ZMIZ1: variants seen among roughly 807,000 people sequenced by gnomAD.
ZMIZ1 encodes zinc finger MIZ-type containing 1.
A neutral mutation model predicts 113.9 loss-of-function variants in ZMIZ1; 17 were observed. The observed-to-expected ratio is 0.15, with a 90% CI of 0.10 to 0.22. The LOEUF (loss-of-function observed/expected upper bound fraction) is 0.22. ZMIZ1 is among the 10% of genes least tolerant of loss of function. The pLI is 1.00. For missense variants in ZMIZ1, 1,059 were observed against 1,477.8 expected, an observed-to-expected ratio of 0.72 and a Z score of 4.65; for synonymous variants, 607 against 603.1, an observed-to-expected ratio of 1.01 and a Z score of -0.09.
intron 7 of ZMIZ1, among the ~76,000 whole-genome samples, chr10:79,256,568 C>G (rs1318606112): frequency 6.6e-6 from 1 of 152,256 alleles, no homozygotes; most frequent in Admixed American, 6.5e-5. Context: ...GCAGCACATG[C>G]TGAGGGGATC....
At position 79,297,621 on chromosome 10, in the gene ZMIZ1, G is replaced by A; in HGVS notation, c.1422G>A (p.Gln474=). The change falls in exon 14 of 25, where the codon CAG becomes CAA. Residue 474 remains glutamine (Q), a synonymous_variant. Coordinates refer to ENST00000334512, the MANE Select transcript of ZMIZ1 (RefSeq NM_020338.4). ...VNMGQYYKPE[Q]FNGQNNTFSG... ...TTATCTTGTTTTAATAGCCAGAACAGTTTAATGGACAAAATAACACGTTCT... is the reference window on the plus strand; with the variant it reads ...TTATCTTGTTTTAATAGCCAGAACAATTTAATGGACAAAATAACACGTTCT... The A allele has an allele frequency of 1.2e-6, 2 of 1,614,080 alleles. No homozygotes were observed. The highest frequency in any genetic ancestry group is 2.2e-5 in the South Asian group (2 of 91,074).
At chr10:79,290,492 C>A (rs574117223) in intron 9 of ZMIZ1, among the ~76,000 whole-genome samples, 1 of 152,302 alleles carries the variant, frequency 6.6e-6, no homozygotes, top group African/African-American at 2.4e-5. Context: ...CTCCTGCTGC[C>A]CTCCAGAGCT....
intron 7 of ZMIZ1, among the ~76,000 whole-genome samples, chr10:79,239,263 T>C (rs1180050165): frequency 6.6e-6 from 1 of 152,198 alleles, no homozygotes; most frequent in African/African-American, 2.4e-5. Flanking sequence ...GAGCTGGCTG[T>C]GTGATAGCTG....
chr10:79,283,540 A>G (rs1462651861), intron 8 of ZMIZ1, among the ~76,000 whole-genome samples: 1 of 152,232 alleles, frequency 6.6e-6, no homozygotes, highest in African/African-American at 2.4e-5. Context: ...AAAACCAGCC[A>G]CATCACACCA....
chr10:79,071,196 TG>T (rs1842272131), intron 1 of ZMIZ1, among the ~76,000 whole-genome samples: 2 of 152,216 alleles, frequency 1.3e-5, no homozygotes, highest in Admixed American at 1.3e-4. Flanking sequence ...AGCTGCCTCC[TG>T]GTGCCAAGGG....
intron 5 of ZMIZ1, among the ~76,000 whole-genome samples, chr10:79,204,241 G>T (rs1160176852): frequency 6.6e-6 from 1 of 152,178 alleles, no homozygotes; most frequent in African/African-American, 2.4e-5. Context: ...CTTGGTTGTA[G>T]CCTTTGCTGG....
rs145521008 is a variant in ZMIZ1 at position 79,140,484 on chromosome 10, G to A, written c.-131+707G>A. Among the ~76,000 whole-genome samples the A allele has an allele frequency of 3.8e-3, 575 of 152,320 alleles. 3 individuals carry two copies. The highest frequency in any genetic ancestry group is 5.6e-3 in the Non-Finnish European group (382 of 68,036). On this transcript the variant is annotated intron_variant, in intron 3 of 24. Coordinates refer to ENST00000334512, the MANE Select transcript of ZMIZ1 (RefSeq NM_020338.4). Reference sequence around the variant, plus strand: ...CCGTACTGCACTCATCCTCTCAAGAGAAGTTCTGCTTTTGAGGCCAAGCAA... The same window carrying A: ...CCGTACTGCACTCATCCTCTCAAGAAAAGTTCTGCTTTTGAGGCCAAGCAA...
chr10:79,185,400 A>G (rs1189213584), intron 4 of ZMIZ1, among the ~76,000 whole-genome samples: 1 of 152,208 alleles, frequency 6.6e-6, no homozygotes, highest in Non-Finnish European at 1.5e-5. Context: ...ACTGTAGCAC[A>G]AGGACATGTT....
intron 3 of ZMIZ1, among the ~76,000 whole-genome samples, chr10:79,141,574 A>G (rs1845272643): frequency 6.6e-6 from 1 of 152,106 alleles, no homozygotes; most frequent in Non-Finnish European, 1.5e-5. Flanking sequence ...TGCCTGGCTA[A>G]TTAGTGTACT....
chr10:79,132,992 G>C (rs778712761), intron 2 of ZMIZ1, among the ~76,000 whole-genome samples: 4 of 152,182 alleles, frequency 2.6e-5, no homozygotes, highest in Non-Finnish European at 5.9e-5. Context: ...AGGCTCTGGG[G>C]TGGGGGAGGG....
At chr10:79,096,990 C>T (rs920559731) in intron 1 of ZMIZ1, among the ~76,000 whole-genome samples, 8 of 152,162 alleles carry the variant, frequency 5.3e-5, no homozygotes, top group Admixed American at 3.9e-4. Context: ...GAGGAAACAG[C>T]GTGTGCAAAG....
intron 4 of ZMIZ1, among the ~76,000 whole-genome samples, chr10:79,183,358 G>A (rs200255348): frequency 2.7e-5 from 4 of 150,804 alleles, no homozygotes; most frequent in East Asian, 2.0e-4. Flanking sequence ...TCGTGCACGC[G>A]CACACACACA....
rs56903717 is a variant in ZMIZ1 at position 79,240,638 on chromosome 10, C to CTTTTTTTTTTTTTTTTTTTT, written c.280+24372_280+24391dup. ...CGTAAATCTAGTGAAGAGTATTTAT[C>CTTTTTTTTTTTTTTTTTTTT]TTTTTTTTTTTTTTTTTTTTTTTTT... On this transcript the variant is annotated intron_variant, in intron 7 of 24. Coordinates refer to ENST00000334512, the MANE Select transcript of ZMIZ1 (RefSeq NM_020338.4). Among the ~76,000 whole-genome samples the CTTTTTTTTTTTTTTTTTTTT allele has an allele frequency of 4.3e-4, 24 of 55,324 alleles. 5 individuals carry two copies. The highest frequency in any genetic ancestry group is 3.9e-3 in the East Asian group (4 of 1,032). The allele number at this position is 55,324 out of a possible 152,430, so 36.3% of individuals were successfully genotyped here.
At chr10:79,180,363 A>T (rs560471716) in intron 4 of ZMIZ1, among the ~76,000 whole-genome samples, 1 of 152,282 alleles carries the variant, frequency 6.6e-6, no homozygotes, top group South Asian at 2.1e-4. Context: ...GTGACCACAG[A>T]GGGTCCTGGC....
At chr10:79,243,286 C>G (rs1250673525) in intron 7 of ZMIZ1, among the ~76,000 whole-genome samples, 1 of 150,306 alleles carries the variant, frequency 6.7e-6, no homozygotes, top group Non-Finnish European at 1.5e-5. Flanking sequence ...CGCGCGCCCC[C>G]GGCCCATCCC....
At chr10:79,154,735 T>C (rs1263377212) in intron 3 of ZMIZ1, among the ~76,000 whole-genome samples, 1 of 152,172 alleles carries the variant, frequency 6.6e-6, no homozygotes, top group Non-Finnish European at 1.5e-5. Flanking sequence ...GACCCTGTCC[T>C]GGGAGCAGGT....
Position 79,290,943 on chromosome 10 carries a change from A to C in ZMIZ1, c.541-16A>C. On this transcript the variant is annotated splice_polypyrimidine_tract_variant and intron_variant, in intron 9 of 24. Coordinates refer to ENST00000334512, the MANE Select transcript of ZMIZ1 (RefSeq NM_020338.4). ...TCGGGTAGCACCTTAGGTGACAACC[A>C]CTTCTCTGCCCACAGGTCCTTGGGA... 1 of 1,610,566 alleles carries C rather than the reference A, an allele frequency of 6.2e-7. No individual in the cohort carries two copies. Among genetic ancestry groups the C allele is most frequent in the Non-Finnish European group, 8.5e-7 (1 of 1,177,208 alleles).
At chr10:79,286,212 C>A (rs765938232) in intron 8 of ZMIZ1, among the ~76,000 whole-genome samples, 6 of 152,238 alleles carry the variant, frequency 3.9e-5, no homozygotes, top group Non-Finnish European at 8.8e-5. Flanking sequence ...CTCAGGCACC[C>A]TCCAGACCCT....
chr10:79,092,235 A>C (rs964380625), intron 1 of ZMIZ1, among the ~76,000 whole-genome samples: 15 of 152,190 alleles, frequency 9.9e-5, no homozygotes, highest in Non-Finnish European at 2.1e-4. Context: ...AGGGAGGGGA[A>C]GTTCTTTGTG....
Sources: allele counts gnomAD v4.1 joint callset (sites outside exome capture counted in the v4.1 genomes callset), GRCh38; gene constraint gnomAD v4.1.1; transcripts MANE v1.5; gene names NCBI Gene and HGNC (gene_info 2026-07-23, HGNC 2026-07-21).